The following CCDC40 variants were observed in gnomAD, a reference collection of about 807,000 sequenced individuals.
The protein encoded by CCDC40 is coiled-coil domain 40 molecular ruler complex subunit, also known as coiled-coil domain-containing protein 40.
Under a neutral mutation model 124.5 loss-of-function variants are expected in CCDC40, and 104 were observed. The observed-to-expected ratio is 0.84, with a 90% CI of 0.71 to 0.98. The LOEUF is 0.98. CCDC40 is among the 50% of genes least tolerant of loss of function. The pLI is 0.00. For synonymous variants in CCDC40, 580 were observed against 602.9 expected (o/e 0.96, Z 0.56); for missense variants, 1,463 against 1,503.9 (o/e 0.97, Z 0.45).
intron 10 of CCDC40, among the ~76,000 whole-genome samples, chr17:80,078,265 A>C (rs2038358800): frequency 6.8e-6 from 1 of 147,900 alleles, no homozygotes; most frequent in South Asian, 2.2e-4. Context: ...TGGGAGGCGG[A>C]GCTTGCAGGG....
rs142681687 is a variant in CCDC40, at chr17:80,059,700, C to T, written c.1440+720C>T. Among the ~76,000 whole-genome samples, 538 of 152,094 alleles carry T rather than the reference C, an allele frequency of 3.5e-3. 1 individual carries two copies. Among genetic ancestry groups the T allele is most frequent in the African/African-American group, 0.012 (514 of 41,476 alleles). On this transcript the variant is annotated intron_variant, in intron 9 of 19. Transcript: ENST00000397545. ...TCAGCCTCCAGAGTGGCTGGGACTA[C>T]AGGCGCCCACCTCCATGCCCAGCTA... is the stretch of plus-strand genomic sequence containing the variant.
intron 18 of CCDC40, 94 bp from the exon 19 acceptor site, chr17:80,097,151 G>A: frequency 7.4e-7 from 1 of 1,345,734 alleles, no homozygotes; most frequent in Middle Eastern, 2.0e-4. Context: ...TGGAGTGTGT[G>A]GAAGGTGCCT....
chr17:80,047,449 T>C (rs767343888), intron 4 of CCDC40, 47 bp downstream of exon 4: 1 of 1,590,134 alleles, frequency 6.3e-7, no homozygotes, highest in South Asian at 1.1e-5. Flanking sequence ...ATGAGCCACC[T>C]GCACAGGCCC....
intron 9 of CCDC40, 69 bp from the exon 10 acceptor site, chr17:80,065,416 G>A (rs2038016691): frequency 1.2e-6 from 2 of 1,600,702 alleles, no homozygotes; most frequent in Non-Finnish European, 1.7e-6. Flanking sequence ...GTGAGGCTCT[G>A]GTGTTCTTGG....
intron 4 of CCDC40, 165 bp from the exon 5 acceptor site, chr17:80,048,418 G>T: frequency 1.5e-6 from 1 of 680,662 alleles, no homozygotes; most frequent in Non-Finnish European, 2.7e-6. Context: ...TAGAAGATGG[G>T]GTGAATGATG....
intron 7 of CCDC40, among the ~76,000 whole-genome samples, chr17:80,055,822 T>G (rs987587422): frequency 1.3e-5 from 2 of 150,906 alleles, no homozygotes; most frequent in Non-Finnish European, 2.9e-5. Context: ...ATTCTTTTTG[T>G]TTTTGTTTTC....
chr17:80,058,767 G>A lies in CCDC40; in HGVS notation c.1318-91G>A. On this transcript the variant is annotated intron_variant, in intron 8 of 19. Transcript: ENST00000397545. This position sits in a 1 kb window ranked among gnomAD's most constrained non-coding sequence, Gnocchi z 4.2. ...GGCCGGAGGGGTGGCGGCCGGCCTGGGTGGCGTCAACTTGTATCAAGGGTT... is the reference window on the plus strand; with the variant it reads ...GGCCGGAGGGGTGGCGGCCGGCCTGAGTGGCGTCAACTTGTATCAAGGGTT... 2 of 1,607,980 alleles carry A rather than the reference G, an allele frequency of 1.2e-6. No individual in the cohort carries two copies. Among genetic ancestry groups the A allele is most frequent in the Non-Finnish European group, 1.7e-6 (2 of 1,174,900 alleles).
chr17:80,089,318 C>T (rs1196990391), intron 16 of CCDC40, among the ~76,000 whole-genome samples: 1 of 152,186 alleles, frequency 6.6e-6, no homozygotes, highest in Non-Finnish European at 1.5e-5. Context: ...GCGCAGGGAT[C>T]GCCTGTTCCT....
At chr17:80,050,408 C>T (rs1473345347) in intron 7 of CCDC40, 125 bp downstream of exon 7, 1 of 755,076 alleles carries the variant, frequency 1.3e-6, no homozygotes, top group Non-Finnish European at 2.3e-6. Flanking sequence ...GGTTCCCACC[C>T]TTTTTAGGAG....
At chr17:80,069,265 G>A (rs1487451844) in intron 10 of CCDC40, among the ~76,000 whole-genome samples, 2 of 152,126 alleles carry the variant, frequency 1.3e-5, no homozygotes, top group African/African-American at 2.4e-5. Context: ...CTGCGTGGGG[G>A]GGGCGGTAAC....
chr17:80,089,587 T>G, intron 16 of CCDC40, 177 bp from the exon 17 acceptor site: 1 of 447,044 alleles, frequency 2.2e-6, no homozygotes, highest in East Asian at 6.6e-5. Context: ...TTGGCAAACG[T>G]TTGCATAAGG....
At chr17:80,074,237 G>A (rs941004801) in intron 10 of CCDC40, among the ~76,000 whole-genome samples, 16 of 152,180 alleles carry the variant, frequency 1.1e-4, no homozygotes, top group East Asian at 5.8e-4. Flanking sequence ...CCGGCCGGGC[G>A]CGGTGGCTCA....
At position 80,073,609 on chromosome 17, in the gene CCDC40, A is replaced by T. The variant is rs55896492; in HGVS notation, c.1563-7937A>T. Among the ~76,000 whole-genome samples the T allele has an allele frequency of 7.3e-3, 1,114 of 152,218 alleles. 4 individuals carry two copies. The highest frequency in any genetic ancestry group is 0.011 in the Non-Finnish European group (744 of 68,012). On this transcript the variant is annotated intron_variant, in intron 10 of 19. Coordinates refer to ENST00000397545, the MANE Select transcript of CCDC40 (RefSeq NM_017950.4). ...TCTGTCCCTCTCCTTGGGCCTCCCT[A>T]TTCTCCAAGACTCAACAGTATTGAA...
chr17:80,054,363 T>C (rs2037684792), intron 7 of CCDC40, among the ~76,000 whole-genome samples: 1 of 152,194 alleles, frequency 6.6e-6, no homozygotes, highest in Non-Finnish European at 1.5e-5. Context: ...CTGTTTTCCC[T>C]AAATGCACCA....
intron 17 of CCDC40, chr17:80,090,793 T>G: frequency 7.9e-7 from 1 of 1,264,058 alleles, no homozygotes; most frequent in Non-Finnish European, 1.0e-6. Context: ...ATAAAATAAA[T>G]GGGCCTCACT....
intron 3 of CCDC40, among the ~76,000 whole-genome samples, chr17:80,045,355 C>G (rs1347293837): frequency 1.3e-5 from 2 of 152,150 alleles, no homozygotes; most frequent in African/African-American, 4.8e-5. Flanking sequence ...TTACTAATAT[C>G]CAAGAGTTCA....
intron 10 of CCDC40, among the ~76,000 whole-genome samples, chr17:80,077,914 CT>C (rs1279174407): frequency 6.6e-6 from 1 of 152,178 alleles, no homozygotes; most frequent in Admixed American, 6.5e-5. Context: ...CAGTCTGTGG[CT>C]TTGTCTTTTT....
intron 10 of CCDC40, among the ~76,000 whole-genome samples, chr17:80,073,965 T>C (rs2038253522): frequency 6.6e-6 from 1 of 152,018 alleles, no homozygotes; most frequent in Non-Finnish European, 1.5e-5. Context: ...GGATTACAAG[T>C]GTGAGCCAAC....
intron 18 of CCDC40, among the ~76,000 whole-genome samples, chr17:80,096,674 C>A (rs1338919537): frequency 6.6e-6 from 1 of 152,184 alleles, no homozygotes; most frequent in Non-Finnish European, 1.5e-5. Context: ...TGTCCTCACC[C>A]CTGCCAGCCC....
Sources: gnomAD v4.1 joint callset for allele counts (sites outside exome capture counted in the v4.1 genomes callset) on GRCh38, gnomAD v4.1.1 for gene constraint, Gnocchi (gnomAD v3.1) non-coding constraint, MANE v1.5 for transcripts, NCBI Gene and HGNC (gene_info 2026-07-23, HGNC 2026-07-21) for gene names.